Variants in MEI4 observed in about 807,000 individuals in gnomAD.
The protein encoded by MEI4 is meiotic double-stranded break formation protein 4.
Under a neutral mutation model 31.4 loss-of-function variants are expected in MEI4, and 27 were observed. The ratio of observed to expected loss-of-function variants is 0.86; its 90% CI spans 0.63 to 1.19. MEI4 has a LOEUF of 1.19. MEI4 is among the 50% of genes most tolerant of loss of function. The probability of loss-of-function intolerance (pLI) is 0.00; values close to 1 mark genes in which losing one functional copy is unlikely to be tolerated. For missense variants in MEI4, 329 were observed against 398.9 expected (o/e 0.82, Z 1.49); for synonymous variants, 122 against 145.4 (o/e 0.84, Z 1.16).
chr6:77,675,115 G>A (rs962518512), intron 1 of MEI4, among the ~76,000 whole-genome samples: 1 of 151,986 alleles, frequency 6.6e-6, no homozygotes, highest in African/African-American at 2.4e-5. Context: ...GGCATGAACA[G>A]TTTTTAACAT....
At chr6:77,699,443 C>G (rs1389101178) in intron 2 of MEI4, among the ~76,000 whole-genome samples, 1 of 152,124 alleles carries the variant, frequency 6.6e-6, no homozygotes, top group Admixed American at 6.5e-5. Flanking sequence ...CCGCCCGCCT[C>G]GGCCTCCCAA....
chr6:77,702,841 G>C (rs1766254472), intron 2 of MEI4, among the ~76,000 whole-genome samples: 1 of 152,090 alleles, frequency 6.6e-6, no homozygotes, highest in Non-Finnish European at 1.5e-5. Flanking sequence ...ACCTTGCTCA[G>C]CCCCAGTTTT....
In MEI4 at chr6:77,923,219, A is replaced by G. The variant is rs2127743584; in HGVS notation, c.1031A>G (p.Lys344Arg). 1.6e-6 allele frequency: 2 copies of G among 1,230,624 alleles called. No individual in the cohort carries two copies. Among genetic ancestry groups the G allele is most frequent in the South Asian group, 4.1e-5 (1 of 24,308 alleles). 76.2% of individuals were successfully genotyped at this position (1,230,624 alleles called of 1,614,324 possible). ...SSIGHDDQEIKKFLQKHDETI... is the reference protein window; with the variant it reads ...SSIGHDDQEIRKFLQKHDETI... ...ATAGGTCATGATGACCAAGAAATCA[A>G]GAAATTTCTTCAGAAGCATGATGAA... The change falls in exon 5 of 5, where the codon AAG becomes AGG. Residue 344 changes from lysine to arginine, a missense_variant. Lys to Arg is a conservative substitution (Grantham distance 26, BLOSUM62 2). Transcript: ENST00000684080.
intron 4 of MEI4, among the ~76,000 whole-genome samples, chr6:77,845,112 G>A (rs1770451000): frequency 6.6e-6 from 1 of 152,058 alleles, no homozygotes; most frequent in African/African-American, 2.4e-5. Context: ...TCAGCTTTAT[G>A]TGGGTGCCTC....
chr6:77,879,946 C>A (rs1356140901), intron 4 of MEI4, among the ~76,000 whole-genome samples: 1 of 152,048 alleles, frequency 6.6e-6, no homozygotes. Context: ...TAAACTATCT[C>A]AAAAAATGCT....
chr6:77,822,622 C>G (rs12202837), intron 3 of MEI4, among the ~76,000 whole-genome samples: 4,168 of 94,068 alleles, frequency 0.044, 345 homozygotes, highest in East Asian at 0.42. Flanking sequence ...ACCCCCCCCC[C>G]CTTTTTTTTT....
At chr6:77,822,149 A>T (rs546858999) in intron 3 of MEI4, among the ~76,000 whole-genome samples, 4 of 152,074 alleles carry the variant, frequency 2.6e-5, no homozygotes, top group Admixed American at 6.6e-5. Context: ...AAATTTGCTG[A>T]TTTATTTCGT....
In MEI4 at chr6:77,697,572, T is replaced by C. The variant is rs9443450; in HGVS notation, c.232+6669T>C. 6.9e-3 allele frequency among the ~76,000 whole-genome samples: 1,055 copies of C among 152,198 alleles called. 12 individuals are homozygous for C. Among genetic ancestry groups the C allele is most frequent in the African/African-American group, 0.024 (995 of 41,518 alleles). On this transcript the variant is annotated intron_variant, in intron 2 of 4. Coordinates refer to ENST00000684080, the MANE Select transcript of MEI4 (RefSeq NM_001322247.2). ...GTTGTTCAGTTTCCATGTAGTTGAGTGGTTTTGAGTGAGTTTCTTAATCCT... is the reference window on the plus strand; with the variant it reads ...GTTGTTCAGTTTCCATGTAGTTGAGCGGTTTTGAGTGAGTTTCTTAATCCT...
chr6:77,899,861 G>A (rs558525147), intron 4 of MEI4, among the ~76,000 whole-genome samples: 2 of 151,800 alleles, frequency 1.3e-5, no homozygotes, highest in Non-Finnish European at 2.9e-5. Flanking sequence ...TGTGAATACT[G>A]CCGTAGTAAA....
rs973912889 is a variant in MEI4, at chr6:77,735,650, T to C, written c.233-25480T>C. Among the ~76,000 whole-genome samples, 6 of 152,138 alleles carry C rather than the reference T, an allele frequency of 3.9e-5. No individual in the cohort carries two copies. The South Asian group carries it at 6.2e-4, about 16-fold the overall frequency. On this transcript the variant is annotated intron_variant, in intron 2 of 4. Transcript: ENST00000684080. Reference sequence around the variant, plus strand: ...CTCTTAGCTTGTCAAAGTCATTCTCTGTCCAGCTTTGTTCCATTGCTGGTG... The same window carrying C: ...CTCTTAGCTTGTCAAAGTCATTCTCCGTCCAGCTTTGTTCCATTGCTGGTG...
At chr6:77,694,134 T>C (rs987512090) in intron 2 of MEI4, among the ~76,000 whole-genome samples, 1 of 152,104 alleles carries the variant, frequency 6.6e-6, no homozygotes, top group African/African-American at 2.4e-5. Flanking sequence ...AGTAAGGTTT[T>C]ATTATAAACA....
intron 1 of MEI4, among the ~76,000 whole-genome samples, chr6:77,655,881 A>T (rs1390879854): frequency 2.0e-5 from 3 of 152,118 alleles, no homozygotes; most frequent in Non-Finnish European, 2.9e-5. Context: ...AATATAGTAA[A>T]ATATATTAAA....
intron 1 of MEI4, among the ~76,000 whole-genome samples, chr6:77,654,196 T>G (rs1768347013): frequency 6.6e-6 from 1 of 152,188 alleles, no homozygotes; most frequent in Non-Finnish European, 1.5e-5. Context: ...TCTCTGAGAT[T>G]TCTTACTGAA....
intron 4 of MEI4, among the ~76,000 whole-genome samples, chr6:77,870,244 A>C (rs1052841831): frequency 7.2e-5 from 11 of 152,198 alleles, no homozygotes; most frequent in Admixed American, 7.2e-4. Flanking sequence ...CTGAGCATGG[A>C]CAGTGAACCA....
At chr6:77,673,057 GAATTGACT>G (rs1239313095) in intron 1 of MEI4, among the ~76,000 whole-genome samples, 4 of 152,190 alleles carry the variant, frequency 2.6e-5, no homozygotes, top group Admixed American at 2.6e-4. Context: ...TTTGGGCACA[GAATTGACT>G]AATTGTTCTT....
intron 4 of MEI4, among the ~76,000 whole-genome samples, chr6:77,894,609 T>C (rs1466767505): frequency 6.6e-6 from 1 of 152,130 alleles, no homozygotes; most frequent in Non-Finnish European, 1.5e-5. Flanking sequence ...CTCTGTTCAG[T>C]TGTCTTTTGT....
chr6:77,869,575 C>T (rs904011237), intron 4 of MEI4, among the ~76,000 whole-genome samples: 1 of 152,050 alleles, frequency 6.6e-6, no homozygotes, highest in Non-Finnish European at 1.5e-5. Flanking sequence ...GGAAATAAAC[C>T]CTGCCAGCAT....
intron 3 of MEI4, among the ~76,000 whole-genome samples, chr6:77,784,294 G>A (rs1768673677): frequency 6.6e-6 from 1 of 152,134 alleles, no homozygotes; most frequent in African/African-American, 2.4e-5. Context: ...TACTACTGAA[G>A]TTTTAAGATG....
At chr6:77,685,239 A>G (rs533352877) in intron 1 of MEI4, among the ~76,000 whole-genome samples, 2 of 149,016 alleles carry the variant, frequency 1.3e-5, no homozygotes, top group African/African-American at 4.9e-5. Flanking sequence ...CTCCTTATAT[A>G]TTCTGGCTAT....
Sources: allele counts gnomAD v4.1 joint callset (sites outside exome capture counted in the v4.1 genomes callset), GRCh38; gene constraint gnomAD v4.1.1; transcripts MANE v1.5; gene names NCBI Gene and HGNC (gene_info 2026-07-23, HGNC 2026-07-21).